FGF4: variants seen among roughly 807,000 people sequenced by gnomAD.
FGF4 encodes the protein heparin secretory transforming protein 1.
In FGF4, 9 loss-of-function variants were observed where a neutral mutation model predicts 15.7. The observed-to-expected ratio is 0.57, with a 90% CI of 0.35 to 1.00. The LOEUF is 1.00. Among genes scored for constraint, FGF4 ranks in the 50% least tolerant of loss-of-function variants. The probability of loss-of-function intolerance (pLI) is 0.02; values close to 1 mark genes in which losing one functional copy is unlikely to be tolerated. For synonymous variants in FGF4, 164 were observed against 144.8 expected (o/e 1.13, Z -0.95); for missense variants, 286 against 297.3 (o/e 0.96, Z 0.28).
Position 69,772,950 on chromosome 11 carries a change from T to G in FGF4, c.*359A>C. ...TTCCAGACAGAGATGCTCCACGCCATACTACAGGGGATGACATCGGAATCC... is the reference window on the plus strand; with the variant it reads ...TTCCAGACAGAGATGCTCCACGCCAGACTACAGGGGATGACATCGGAATCC... On this transcript the variant is annotated 3_prime_UTR_variant, in exon 3 of 3. Transcript: ENST00000168712. 1 of 250,046 alleles carries G rather than the reference T, an allele frequency of 4.0e-6. No homozygotes were observed. Among genetic ancestry groups the G allele is most frequent in the Non-Finnish European group, 7.8e-6 (1 of 127,722 alleles). The allele number at this position is 250,046 out of a possible 1,614,324, so 15.5% of individuals were successfully genotyped here.
At position 69,771,147 on chromosome 11, in the gene FGF4, T is replaced by C. The variant is rs1037675799; in HGVS notation, c.*2162A>G. The C allele has an allele frequency of 6.6e-6, 1 of 152,212 alleles. No homozygotes were observed. 9.4% of individuals were successfully genotyped at this position (152,212 alleles called of 1,614,324 possible). On this transcript the variant is annotated 3_prime_UTR_variant, in exon 3 of 3. Transcript: ENST00000168712. ...TCAGCATGTCAATGTGCACAGCACA[T>C]ACATCACAACGAGGGTCGGCACCTG... is the stretch of plus-strand genomic sequence containing the variant.
At position 69,774,727 on chromosome 11, in the gene FGF4, C is replaced by G; in HGVS notation, c.340+18G>C. On this transcript the variant is annotated intron_variant, in intron 1 of 2. Transcript: ENST00000168712. ...TGCCCCCCGCCCCCGCCCCTTCGCG[C>G]CTGGCCGCGCCACTCACTGTCGCGG... The G allele has an allele frequency of 7.0e-7, 1 of 1,433,240 alleles. No homozygotes were observed. Among genetic ancestry groups the G allele is most frequent in the Non-Finnish European group, 9.1e-7 (1 of 1,103,052 alleles). The allele number at this position is 1,433,240 out of a possible 1,614,324, so 88.8% of individuals were successfully genotyped here. A position where few individuals can be genotyped will look rare whatever the true frequency, so the allele number is the denominator to read the frequency against.
rs1217229134 is a variant in FGF4 at position 69,774,022 on chromosome 11, A to T, written c.444+2T>A. 6.2e-7 allele frequency: 1 copy of T among 1,610,756 alleles called. No individual in the cohort carries two copies. The highest frequency in any genetic ancestry group is 8.5e-7 in the Non-Finnish European group (1 of 1,178,806). On this transcript the variant is annotated splice_donor_variant, in intron 2 of 2. Coordinates refer to ENST00000168712, the MANE Select transcript of FGF4 (RefSeq NM_002007.4). LOFTEE classifies it high-confidence loss of function. ...GCCTAGCCAGACCCCTGCGGTACTC[A>T]CCGAGCCATAGAGCTTGCCCTTGCT...
At position 69,775,295 on chromosome 11, in the gene FGF4, C is replaced by T; in HGVS notation, c.-211G>A. The T allele has an allele frequency of 7.9e-6, 3 of 380,650 alleles. No individual in the cohort carries two copies. The highest frequency in any genetic ancestry group is 1.4e-5 in the Non-Finnish European group (3 of 215,768). The allele number at this position is 380,650 out of a possible 1,614,324, so 23.6% of individuals were successfully genotyped here. On this transcript the variant is annotated 5_prime_UTR_variant, in exon 1 of 3. Coordinates refer to ENST00000168712, the MANE Select transcript of FGF4 (RefSeq NM_002007.4). ...GGCGAGCCGGGCGGAAAGCGCGCGG[C>T]TGGAGCTGGGACTCTGAGGAGCAGT... is the stretch of plus-strand genomic sequence containing the variant.
At chr11:69,774,643 C>G (rs1391955059) in intron 1 of FGF4, 102 bp downstream of exon 1, 8 of 958,470 alleles carry the variant, frequency 8.3e-6, no homozygotes, top group South Asian at 7.3e-5. Flanking sequence ...CCGGGGCCCC[C>G]GAGCAGGTGC....
At position 69,774,876 on chromosome 11, in the gene FGF4, T is replaced by C; in HGVS notation, c.209A>G (p.Gln70Arg). ...VAAQPKEAAV[Q>R]SGAGDYLLGI... is the part of the protein sequence containing the mutation. ...CAGCAGGTAGTCGCCGGCGCCGCTC[T>C]GGACGGCCGCCTCCTTGGGCTGCGC... is the stretch of plus-strand genomic sequence containing the variant. The change falls in exon 1 of 3, where the codon CAG becomes CGG. Residue 70 changes from glutamine (Q) to arginine (R), a missense_variant. Coordinates refer to ENST00000168712, the MANE Select transcript of FGF4 (RefSeq NM_002007.4). 2 of 1,499,248 alleles carry C rather than the reference T, an allele frequency of 1.3e-6. No homozygotes were observed. Among genetic ancestry groups the C allele is most frequent in the Non-Finnish European group, 1.8e-6 (2 of 1,131,644 alleles). The allele number at this position is 1,499,248 out of a possible 1,614,324, so 92.9% of individuals were successfully genotyped here. A position where few individuals can be genotyped will look rare whatever the true frequency, so the allele number is the denominator to read the frequency against.
rs779951764 is a variant in FGF4 at position 69,774,994 on chromosome 11, C to G, written c.91G>C (p.Ala31Pro). 3 of 1,456,006 alleles carry G rather than the reference C, an allele frequency of 2.1e-6. No homozygotes were observed. The highest frequency in any genetic ancestry group is 2.7e-5 in the South Asian group (2 of 75,306). 90.2% of individuals were successfully genotyped at this position (1,456,006 alleles called of 1,614,324 possible). ...AGCGTGCCGTTGGGTGCAGTGGGTG[C>G]GGCGGCGCCCCCTCGGCCCGCCCAG... ...APWAGRGGAA[A>P]PTAPNGTLEA... The change falls in exon 1 of 3, where the codon GCA (alanine) becomes CCA (proline). Residue 31 changes from alanine to proline, a missense_variant. Ala to Pro is a conservative substitution (Grantham distance 27). Coordinates refer to ENST00000168712, the MANE Select transcript of FGF4 (RefSeq NM_002007.4).
chr11:69,774,178 C>A (rs1446922671), intron 1 of FGF4, 51 bp from the exon 2 acceptor site: 3 of 1,441,778 alleles, frequency 2.1e-6, no homozygotes, highest in South Asian at 2.3e-5. Flanking sequence ...TGGCCCACTC[C>A]GCCCCTCGGC....
Position 69,775,168 on chromosome 11 carries a change from G to A in FGF4, c.-84C>T, listed in dbSNP as rs974548374. ...AGAGCTGCGCCTGTGGCGTCCCGCG[G>A]GAGCGCACGGCCGACCTCGGGCAGG... On this transcript the variant is annotated 5_prime_UTR_variant, in exon 1 of 3. Transcript: ENST00000168712. 8.3e-6 allele frequency: 8 copies of A among 962,904 alleles called. No individual in the cohort carries two copies. The African/African-American group carries it at 1.4e-4, about 16-fold the overall frequency. The allele number at this position is 962,904 out of a possible 1,614,324, so 59.6% of individuals were successfully genotyped here.
chr11:69,775,073 G>A lies in FGF4; in HGVS notation c.12C>T (p.Pro4=). The change falls in exon 1 of 3, where the codon CCC becomes CCT. Residue 4 remains proline (P), a synonymous_variant. Transcript: ENST00000168712. MSG[P]GTAAVALLPA... is the part of the protein sequence containing the mutation. ...GGAGCAGCGCTACCGCGGCCGTCCC[G>A]GGCCCCGACATCCCGGCCCGAGGGC... 1 of 1,334,890 alleles carries A rather than the reference G, an allele frequency of 7.5e-7. No homozygotes were observed. The highest frequency in any genetic ancestry group is 9.5e-7 in the Non-Finnish European group (1 of 1,052,504). 82.7% of individuals were successfully genotyped at this position (1,334,890 alleles called of 1,614,324 possible).
At position 69,771,940 on chromosome 11, in the gene FGF4, C is replaced by T. The variant is rs1855574175; in HGVS notation, c.*1369G>A. On this transcript the variant is annotated 3_prime_UTR_variant, in exon 3 of 3. Transcript: ENST00000168712. ...CGGAACTTTTTTTAAACATCACCGA[C>T]CCTGCCTCTTCCACGGTTGCTTCAA... is the stretch of plus-strand genomic sequence containing the variant. The T allele has an allele frequency of 6.6e-6, 1 of 152,130 alleles. No individual in the cohort carries two copies. 9.4% of individuals were successfully genotyped at this position (152,130 alleles called of 1,614,324 possible). A position where few individuals can be genotyped will look rare whatever the true frequency, so the allele number is the denominator to read the frequency against.
rs1400152509 is a variant in FGF4, at chr11:69,773,173, C to T, written c.*136G>A. ...AAATAATTTGGTGGCAATATATACA[C>T]ATTTAAATAATTAATTTAAATATCT... On this transcript the variant is annotated 3_prime_UTR_variant, in exon 3 of 3. Transcript: ENST00000168712. 3.1e-6 allele frequency: 2 copies of T among 652,408 alleles called. No homozygotes were observed. Among genetic ancestry groups the T allele is most frequent in the South Asian group, 2.2e-5 (1 of 46,228 alleles). 40.4% of individuals were successfully genotyped at this position (652,408 alleles called of 1,614,324 possible).
At position 69,775,164 on chromosome 11, in the gene FGF4, C is replaced by G. The variant is rs1313423163; in HGVS notation, c.-80G>C. 1.4e-5 allele frequency: 14 copies of G among 985,762 alleles called. No individual in the cohort carries two copies. The highest frequency in any genetic ancestry group is 1.7e-5 in the Non-Finnish European group (13 of 760,246). The allele number at this position is 985,762 out of a possible 1,614,324, so 61.1% of individuals were successfully genotyped here. A position where few individuals can be genotyped will look rare whatever the true frequency, so the allele number is the denominator to read the frequency against. ...GGGCAGAGCTGCGCCTGTGGCGTCC[C>G]GCGGGAGCGCACGGCCGACCTCGGG... On this transcript the variant is annotated 5_prime_UTR_variant, in exon 1 of 3. Transcript: ENST00000168712.
rs1855599040 is a variant in FGF4, at chr11:69,773,421, T to G, written c.509A>C (p.Glu170Ala). ...ILLPNNYNAY[E>A]SYKYPGMFIA... ...GAACATGCCGGGGTACTTGTAGGAC[T>G]CGTAGGCGTTGTAGTTGTTGGGAAG... The change falls in exon 3 of 3, where the codon GAG becomes GCG. Residue 170 changes from glutamate (E) to alanine (A), a missense_variant. By Grantham distance (107) the Glu-to-Ala change is moderately radical. Coordinates refer to ENST00000168712, the MANE Select transcript of FGF4 (RefSeq NM_002007.4). 2 of 1,614,134 alleles carry G rather than the reference T, an allele frequency of 1.2e-6. No individual in the cohort carries two copies. The highest frequency in any genetic ancestry group is 2.7e-5 in the African/African-American group (2 of 75,040).
At chr11:69,774,264 C>T (rs1855611676) in intron 1 of FGF4, 137 bp from the exon 2 acceptor site, 2 of 689,452 alleles carry the variant, frequency 2.9e-6, no homozygotes, top group East Asian at 2.7e-5. Flanking sequence ...CAGCCGCCCC[C>T]AAGGGCCTCC....
At position 69,775,099 on chromosome 11, in the gene FGF4, C is replaced by A; in HGVS notation, c.-15G>T. ...GGCCCCGACATCCCGGCCCGAGGGC[C>A]GTGCGTCGGTCAGGCGGTCAGTGCG... On this transcript the variant is annotated 5_prime_UTR_variant, in exon 1 of 3. Transcript: ENST00000168712. 1 of 1,304,094 alleles carries A rather than the reference C, an allele frequency of 7.7e-7. No individual in the cohort carries two copies. The highest frequency in any genetic ancestry group is 9.7e-7 in the Non-Finnish European group (1 of 1,032,574). The allele number at this position is 1,304,094 out of a possible 1,614,324, so 80.8% of individuals were successfully genotyped here.
At chr11:69,774,676 A>C in intron 1 of FGF4, 69 bp downstream of exon 1, 1 of 1,223,346 alleles carries the variant, frequency 8.2e-7, no homozygotes, top group South Asian at 1.9e-5. Flanking sequence ...TCAGAGTGTG[A>C]CTGAGCGGGT....
In FGF4 at chr11:69,771,810, T is replaced by C. The variant is rs1458861987; in HGVS notation, c.*1499A>G. 1 of 152,188 alleles carries C rather than the reference T, an allele frequency of 6.6e-6. No homozygotes were observed. Among genetic ancestry groups the C allele is most frequent in the Non-Finnish European group, 1.5e-5 (1 of 68,028 alleles). 9.4% of individuals were successfully genotyped at this position (152,188 alleles called of 1,614,324 possible). On this transcript the variant is annotated 3_prime_UTR_variant, in exon 3 of 3. Transcript: ENST00000168712. ...AGTTCAGAAACATCCTAGGAGAGTA[T>C]TAAAGTCTTGACGAAACATTCGGAG... is the stretch of plus-strand genomic sequence containing the variant.
chr11:69,773,228 C>G lies in FGF4; in HGVS notation c.*81G>C. On this transcript the variant is annotated 3_prime_UTR_variant, in exon 3 of 3. Coordinates refer to ENST00000168712, the MANE Select transcript of FGF4 (RefSeq NM_002007.4). ...CCTACTCTTGCATTAAACTCTTCATCCGAAGAAAGTGCACCAAGGTGACCC... is the reference window on the plus strand; with the variant it reads ...CCTACTCTTGCATTAAACTCTTCATGCGAAGAAAGTGCACCAAGGTGACCC... 2 of 1,164,074 alleles carry G rather than the reference C, an allele frequency of 1.7e-6. No homozygotes were observed. Among genetic ancestry groups the G allele is most frequent in the Non-Finnish European group, 2.5e-6 (2 of 796,120 alleles). The allele number at this position is 1,164,074 out of a possible 1,614,324, so 72.1% of individuals were successfully genotyped here.
Sources: allele counts gnomAD v4.1 joint callset, GRCh38; gene constraint gnomAD v4.1.1; transcripts MANE v1.5; gene names NCBI Gene and HGNC (gene_info 2026-07-23, HGNC 2026-07-21).